Variants in SPDYE3 observed in about 807,000 individuals in gnomAD.
SPDYE3 encodes the protein speedy protein E3.
Under a neutral mutation model 55.0 loss-of-function variants are expected in SPDYE3, and 15 were observed. The observed-to-expected ratio is 0.27, with a 90% CI of 0.18 to 0.42. The LOEUF (loss-of-function observed/expected upper bound fraction) is 0.42, where lower values mean the gene tolerates loss of function less well. Ranked by LOEUF, SPDYE3 falls within the 10% of genes least tolerant of loss-of-function variation. The pLI, the probability that SPDYE3 is intolerant of heterozygous loss-of-function variation, is 1.00. For missense variants in SPDYE3, 236 were observed against 576.7 expected (o/e 0.41, Z 6.05); for synonymous variants, 89 against 229.9 (o/e 0.39, Z 5.55).
chr7:100,321,851 T>C lies in SPDYE3; in HGVS notation c.*1006T>C, dbSNP rs1046843342. 3 of 148,120 alleles carry C rather than the reference T, an allele frequency of 2.0e-5. No homozygotes were observed. Among genetic ancestry groups the C allele is most frequent in the Non-Finnish European group, 4.5e-5 (3 of 67,170 alleles). 9.2% of individuals were successfully genotyped at this position (148,120 alleles called of 1,614,324 possible). ...TATTTATTAAATATATTTATTTATT[T>C]AAATATTTATTAAATATATTTATTT... is the stretch of plus-strand genomic sequence containing the variant. On this transcript the variant is annotated 3_prime_UTR_variant, in exon 11 of 11. Transcript: ENST00000332397.
chr7:100,319,739 G>C lies in SPDYE3; in HGVS notation c.1521G>C (p.Gln507His), dbSNP rs759969100. ...RKNCSQIALFQKRRFQFFCSM... is the reference protein window; with the variant it reads ...RKNCSQIALFHKRRFQFFCSM... ...ACTGCTCTCAGATAGCCTTGTTCCA[G>C]AAGCGTCGGTTCCAGTTCTTCTGTT... is the stretch of plus-strand genomic sequence containing the variant. The change falls in exon 9 of 11, where the codon CAG becomes CAC. Residue 507 changes from glutamine to histidine, a missense_variant. By Grantham distance (24) the Gln-to-His change is conservative. Transcript: ENST00000332397. 6.2e-7 allele frequency: 1 copy of C among 1,614,194 alleles called. No individual in the cohort carries two copies.
Position 100,307,924 on chromosome 7 carries a change from C to T in SPDYE3, c.39C>T (p.Ser13=), listed in dbSNP as rs773540157. The change falls in exon 1 of 11, where the codon AGC becomes AGT. Residue 13 remains serine (S), a synonymous_variant. Coordinates refer to ENST00000332397, the MANE Select transcript of SPDYE3 (RefSeq NM_001004351.5). ...SHQPQPQEEQ[S]PQRSTSGYPL... is the part of the protein sequence containing the mutation. ...AACCGCAGCCCCAGGAAGAGCAGAG[C>T]CCCCAGCGGAGCACCTCAGGGTACC... 1.6e-5 allele frequency: 26 copies of T among 1,584,778 alleles called. No homozygotes were observed. In the East Asian group the frequency reaches 4.0e-4, roughly 25 times the overall value.
intron 2 of SPDYE3, among the ~76,000 whole-genome samples, chr7:100,309,750 A>G (rs1208877226): frequency 2.8e-5 from 4 of 144,256 alleles, no homozygotes; most frequent in Admixed American, 2.8e-4. Flanking sequence ...AAGAAAAAAA[A>G]GAAGGGTCAG....
At position 100,319,973 on chromosome 7, in the gene SPDYE3, C is replaced by G; in HGVS notation, c.1633C>G (p.Arg545Gly). 6.2e-7 allele frequency: 1 copy of G among 1,608,084 alleles called. No individual in the cohort carries two copies. The highest frequency in any genetic ancestry group is 1.1e-5 in the South Asian group (1 of 90,954). ...DPEHWVWARD[R>G]AHLS ...AGAGCACTGGGTGTGGGCGCGAGAT[C>G]GCGCCCACCTTTCCTAGAGCTCCAG... The change falls in exon 10 of 11, where the codon CGC becomes GGC. Residue 545 changes from arginine to glycine, a missense_variant. By Grantham distance (125) the Arg-to-Gly change is moderately radical (BLOSUM62 -2). Coordinates refer to ENST00000332397, the MANE Select transcript of SPDYE3 (RefSeq NM_001004351.5).
In SPDYE3 at chr7:100,319,954, C is replaced by T. The variant is rs1157757694; in HGVS notation, c.1614C>T (p.His538=). 6.3e-7 allele frequency: 1 copy of T among 1,575,008 alleles called. No individual in the cohort carries two copies. The highest frequency in any genetic ancestry group is 2.4e-5 in the East Asian group (1 of 41,374). ...LEEIQAYDPE[H]WVWARDRAHL... ...AGATCCAGGCTTATGACCCAGAGCA[C>T]TGGGTGTGGGCGCGAGATCGCGCCC... The change falls in exon 10 of 11, where the codon CAC becomes CAT. Residue 538 remains histidine, a synonymous_variant. Coordinates refer to ENST00000332397, the MANE Select transcript of SPDYE3 (RefSeq NM_001004351.5).
chr7:100,317,514 A>G (rs1806132340), intron 8 of SPDYE3, among the ~76,000 whole-genome samples: 1 of 152,108 alleles, frequency 6.6e-6, no homozygotes, highest in African/African-American at 2.4e-5. Flanking sequence ...CTGAGGCATG[A>G]GAACCCCTTG....
At chr7:100,319,862 G>C in intron 9 of SPDYE3, 54 bp downstream of exon 9, 2 of 1,613,772 alleles carry the variant, frequency 1.2e-6, no homozygotes. Context: ...GTGGGCTGGA[G>C]GCTGGACGAG....
At chr7:100,315,615 G>A (rs948763134) in intron 6 of SPDYE3, among the ~76,000 whole-genome samples, 170 bp from the exon 7 acceptor site, 2 of 152,108 alleles carry the variant, frequency 1.3e-5, no homozygotes, top group Non-Finnish European at 2.9e-5. Flanking sequence ...CTCAGAGCAG[G>A]AGCCTCTCTC....
Position 100,319,960 on chromosome 7 carries a change from GTGGGCGCGAGAT to G in SPDYE3, c.1621_1632del (p.Trp541_Asp544del). The G allele has an allele frequency of 6.2e-7, 1 of 1,610,948 alleles. No homozygotes were observed. On this transcript the variant is annotated inframe_deletion, in exon 10 of 11. Coordinates refer to ENST00000332397, the MANE Select transcript of SPDYE3 (RefSeq NM_001004351.5). Reference sequence around the variant, plus strand: ...AGGCTTATGACCCAGAGCACTGGGTGTGGGCGCGAGATCGCGCCCACCTTTCCTAGAGCTCCA... The same window carrying G: ...AGGCTTATGACCCAGAGCACTGGGTGCGCGCCCACCTTTCCTAGAGCTCCA...
At position 100,321,922 on chromosome 7, in the gene SPDYE3, T is replaced by C. The variant is rs1288147522; in HGVS notation, c.*1077T>C. The stretch of plus-strand genomic sequence containing the variant: ...AATATTATTTTAAATATTTTGGAAA[T>C]ACTGGTATTTTTGAATAGATGCTGT... On this transcript the variant is annotated 3_prime_UTR_variant, in exon 11 of 11. Transcript: ENST00000332397. 1 of 150,008 alleles carries C rather than the reference T, an allele frequency of 6.7e-6. No individual in the cohort carries two copies. Among genetic ancestry groups the C allele is most frequent in the East Asian group, 1.9e-4 (1 of 5,188 alleles). 9.3% of individuals were successfully genotyped at this position (150,008 alleles called of 1,614,324 possible). A position where few individuals can be genotyped will look rare whatever the true frequency, so the allele number is the denominator to read the frequency against.
chr7:100,319,814 T>A lies in SPDYE3; in HGVS notation c.1590+6T>A. The A allele has an allele frequency of 6.4e-7, 1 of 1,573,212 alleles. No homozygotes were observed. The highest frequency in any genetic ancestry group is 8.6e-7 in the Non-Finnish European group (1 of 1,159,612). ...CCCCGGAGGAGTTGGAGGAGGTGGG[T>A]GGGGCCTGGGGAGGTGGAGGATGTG... is the stretch of plus-strand genomic sequence containing the variant. On this transcript the variant is annotated splice_donor_region_variant and intron_variant, in intron 9 of 10. Transcript: ENST00000332397.
chr7:100,319,775 C>T lies in SPDYE3; in HGVS notation c.1557C>T (p.Cys519=). The T allele has an allele frequency of 1.2e-6, 2 of 1,614,024 alleles. No individual in the cohort carries two copies. The highest frequency in any genetic ancestry group is 1.7e-6 in the Non-Finnish European group (2 of 1,180,030). The change falls in exon 9 of 11, where the codon TGC becomes TGT. Residue 519 remains cysteine, a synonymous_variant. Transcript: ENST00000332397. ...RRFQFFCSMR[C]RAWVSPEELE... ...TCCAGTTCTTCTGTTCCATGCGCTG[C>T]AGGGCTTGGGTTTCCCCGGAGGAGT...
chr7:100,309,479 G>T (rs1443228495), intron 2 of SPDYE3, among the ~76,000 whole-genome samples: 1 of 138,016 alleles, frequency 7.2e-6, no homozygotes, highest in Non-Finnish European at 1.6e-5. Context: ...AGGATTGCTT[G>T]AACTCAGGAC....
chr7:100,307,946 T>C lies in SPDYE3; in HGVS notation c.61T>C (p.Tyr21His). 6.3e-7 allele frequency: 1 copy of C among 1,576,258 alleles called. No homozygotes were observed. The highest frequency in any genetic ancestry group is 1.1e-5 in the South Asian group (1 of 87,854). ...EQSPQRSTSG[Y>H]PLQEVVDDEV... ...GAGCCCCCAGCGGAGCACCTCAGGGTACCCCCTCCAGGAGGTGGTGGATGA... is the reference window on the plus strand; with the variant it reads ...GAGCCCCCAGCGGAGCACCTCAGGGCACCCCCTCCAGGAGGTGGTGGATGA... The change falls in exon 1 of 11, where the codon TAC becomes CAC. Residue 21 changes from tyrosine (Y) to histidine (H), a missense_variant. By Grantham distance (83) the Tyr-to-His change is moderately conservative. Coordinates refer to ENST00000332397, the MANE Select transcript of SPDYE3 (RefSeq NM_001004351.5).
chr7:100,317,031 T>A (rs764213535), intron 7 of SPDYE3, 39 bp from the exon 8 acceptor site: 3 of 1,581,206 alleles, frequency 1.9e-6, no homozygotes, highest in Non-Finnish European at 2.6e-6. Flanking sequence ...TCTCCCAAGA[T>A]GTGACCTCTC....
chr7:100,318,863 G>A lies in SPDYE3; in HGVS notation c.1347-702G>A, dbSNP rs1167005675. Among the ~76,000 whole-genome samples, 4 of 151,200 alleles carry A rather than the reference G, an allele frequency of 2.6e-5. No individual in the cohort carries two copies. In the East Asian group the frequency reaches 7.8e-4, roughly 29 times the overall value. On this transcript the variant is annotated intron_variant, in intron 8 of 10. Coordinates refer to ENST00000332397, the MANE Select transcript of SPDYE3 (RefSeq NM_001004351.5). The stretch of plus-strand genomic sequence containing the variant: ...AGCCTCTTGATTAGCTCCGACTACA[G>A]GGCTGTGCCACCACACCTGGACAGT...
At chr7:100,318,243 C>T (rs986347252) in intron 8 of SPDYE3, among the ~76,000 whole-genome samples, 1 of 152,148 alleles carries the variant, frequency 6.6e-6, no homozygotes, top group Non-Finnish European at 1.5e-5. Flanking sequence ...GAGTCTCTCC[C>T]CAAGCCAAGG....
chr7:100,318,311 GAAC>G (rs1789486697), intron 8 of SPDYE3, among the ~76,000 whole-genome samples: 1 of 152,084 alleles, frequency 6.6e-6, no homozygotes, highest in Non-Finnish European at 1.5e-5. Flanking sequence ...CTGCCCACCT[GAAC>G]AACTTCCTTA....
chr7:100,308,733 C>A (rs1453268616), intron 1 of SPDYE3, among the ~76,000 whole-genome samples: 2 of 150,706 alleles, frequency 1.3e-5, no homozygotes, highest in Non-Finnish European at 3.0e-5. Flanking sequence ...AAAAGAGGGC[C>A]TCAGAGAGCC....
Sources: allele counts gnomAD v4.1 joint callset (sites outside exome capture counted in the v4.1 genomes callset), GRCh38; gene constraint gnomAD v4.1.1; transcripts MANE v1.5; gene names NCBI Gene and HGNC (gene_info 2026-07-23, HGNC 2026-07-21).